Variants in ARHGAP27 observed in about 807,000 individuals in gnomAD.
The protein encoded by ARHGAP27 is Rho GTPase activating protein 27, also known as rho GTPase-activating protein 27.
Under a neutral mutation model 102.0 loss-of-function variants are expected in ARHGAP27, and 53 were observed. The observed-to-expected ratio is 0.52, with a 90% CI of 0.42 to 0.65. ARHGAP27 has a LOEUF of 0.65. ARHGAP27 is among the 30% of genes least tolerant of loss of function. ARHGAP27 has a pLI of 0.00. For missense variants in ARHGAP27, 1,117 were observed against 1,256.2 expected (o/e 0.89, Z 1.68); for synonymous variants, 525 against 542.8 (o/e 0.97, Z 0.46).
In ARHGAP27 at chr17:45,396,768, C is replaced by G. The variant is rs776537416; in HGVS notation, c.1974G>C (p.Val658=). ...PNAAAPALGP[V]GLESDLSKVR... ...CCTTGCTCAAGTCGCTCTCCAGGCC[C>G]ACGGGGCCCAGGGCGGGCGCGGCTG... Residue 658 remains valine, a synonymous_variant, in exon 15 of 20, where the codon GTG becomes GTC. Transcript: ENST00000685559. The G allele has an allele frequency of 1.4e-5, 22 of 1,612,990 alleles. No homozygotes were observed. The African/African-American group carries it at 1.6e-4, about 12-fold the overall frequency.
At chr17:45,417,947 G>C (rs1489260231) in intron 4 of ARHGAP27, among the ~76,000 whole-genome samples, 1 of 151,532 alleles carries the variant, frequency 6.6e-6, no homozygotes, top group Non-Finnish European at 1.5e-5. Context: ...CCAGCTACTT[G>C]GGAAGCTGAG....
At chr17:45,429,557 C>G in intron 4 of ARHGAP27, 66 bp downstream of exon 4, 1 of 1,563,540 alleles carries the variant, frequency 6.4e-7, no homozygotes, top group South Asian at 1.2e-5. Context: ...CCTTGCGCCC[C>G]GGCTCCGTGC....
chr17:45,405,154 C>G, intron 5 of ARHGAP27, 48 bp from the exon 6 acceptor site: 2 of 1,469,748 alleles, frequency 1.4e-6, no homozygotes, highest in Non-Finnish European at 1.8e-6. Flanking sequence ...GCCAGTACTG[C>G]CTGCTGGCCC....
At chr17:45,398,099 G>A (rs751357888) in intron 12 of ARHGAP27, 52 bp from the exon 13 acceptor site, 7 of 1,504,330 alleles carry the variant, frequency 4.7e-6, no homozygotes, top group Non-Finnish European at 5.5e-6. Flanking sequence ...GTCTGCCCTG[G>A]GGGTTGGCCC....
chr17:45,424,646 T>A (rs55914643), intron 4 of ARHGAP27, among the ~76,000 whole-genome samples: 6,532 of 151,332 alleles, frequency 0.043, 216 homozygotes, highest in Non-Finnish European at 0.071. Flanking sequence ...ATATAATGGA[T>A]TTTGGGGACT....
At position 45,398,086 on chromosome 17, in the gene ARHGAP27, TG is replaced by T. The variant is rs779166283; in HGVS notation, c.1744-40del. ...AGTCAGTGGGTCATCTCTGGTACCC[TG>T]GGTCTGCCCTGGGGGTTGGCCCTAG... is the stretch of plus-strand genomic sequence containing the variant. On this transcript the variant is annotated intron_variant, in intron 12 of 19. Transcript: ENST00000685559. 2.1e-5 allele frequency: 32 copies of T among 1,553,294 alleles called. No homozygotes were observed. In the East Asian group the frequency reaches 6.1e-4, roughly 30 times the overall value.
intron 4 of ARHGAP27, among the ~76,000 whole-genome samples, chr17:45,428,134 A>AG (rs1443442575): frequency 6.6e-6 from 1 of 152,226 alleles, no homozygotes; most frequent in Non-Finnish European, 1.5e-5. Flanking sequence ...CCCCACCTCC[A>AG]GGGGCTCTGC....
In ARHGAP27 at chr17:45,405,116, A is replaced by G. The variant is rs564822884; in HGVS notation, c.1066-10T>C. On this transcript the variant is annotated splice_polypyrimidine_tract_variant and intron_variant, in intron 5 of 19. Transcript: ENST00000685559. Reference sequence around the variant, plus strand: ...TCTCGGGAGTGGGGGGCTGCGGGGAACAGAAGGTGGAGTCAGAGGCTCTGA... The same window carrying G: ...TCTCGGGAGTGGGGGGCTGCGGGGAGCAGAAGGTGGAGTCAGAGGCTCTGA... 7.0e-6 allele frequency: 11 copies of G among 1,563,220 alleles called. No homozygotes were observed. Among genetic ancestry groups the G allele is most frequent in the Non-Finnish European group, 9.5e-6 (11 of 1,153,036 alleles).
At position 45,395,835 on chromosome 17, in the gene ARHGAP27, C is replaced by T. The variant is rs1597749532; in HGVS notation, c.2401G>A (p.Ala801Thr). The T allele has an allele frequency of 6.2e-7, 1 of 1,601,880 alleles. No individual in the cohort carries two copies. The highest frequency in any genetic ancestry group is 8.5e-7 in the Non-Finnish European group (1 of 1,174,832). Residue 801 changes from alanine to threonine, a missense_variant, in exon 19 of 20, where the codon GCC (alanine) becomes ACC (threonine). This residue lies in a region of ARHGAP27 where 493 missense variants were observed against 505.5 expected (regional missense o/e 0.98). Transcript: ENST00000685559. The part of the protein sequence containing the change: ...FIAAIKLQDQ[A>T]RRSRCVRDLV... The stretch of plus-strand genomic sequence containing the variant: ...TCACGCACACAGCGGCTGCGCCGGG[C>T]CTGGTCCTGCAACTCTGGGTGAGGG...
rs36233058 is a variant in ARHGAP27 at position 45,412,962 on chromosome 17, C to CTT, written c.658-6881_658-6880dup. 3.6e-3 allele frequency among the ~76,000 whole-genome samples: 149 copies of CTT among 41,142 alleles called. 44 individuals carry two copies. The highest frequency in any genetic ancestry group is 4.3e-3 in the East Asian group (3 of 700). The allele number at this position is 41,142 out of a possible 152,430, so 27.0% of individuals were successfully genotyped here. On this transcript the variant is annotated intron_variant, in intron 4 of 19. Transcript: ENST00000685559. ...GTGTGGCACCACGGCTCAGTATAAT[C>CTT]TTTTTTTTTTTTTTTTTTTTTTTTT...
rs1464865936 is a variant in ARHGAP27 at position 45,419,526 on chromosome 17, A to G, written c.657+10097T>C. ...TTATGCTGTATGTATATATATATAT[A>G]TATATATATATATATATATATATAT... On this transcript the variant is annotated intron_variant, in intron 4 of 19. Transcript: ENST00000685559. Among the ~76,000 whole-genome samples the G allele has an allele frequency of 3.1e-3, 67 of 21,566 alleles. 1 individual carries two copies. The highest frequency in any genetic ancestry group is 5.8e-3 in the Admixed American group (11 of 1,900). 14.1% of individuals were successfully genotyped at this position (21,566 alleles called of 152,430 possible). A position where few individuals can be genotyped will look rare whatever the true frequency, so the allele number is the denominator to read the frequency against.
chr17:45,419,912 C>T (rs2048870998), intron 4 of ARHGAP27, among the ~76,000 whole-genome samples: 1 of 151,980 alleles, frequency 6.6e-6, no homozygotes, highest in South Asian at 2.1e-4. Flanking sequence ...ATTTAAAGTA[C>T]CTTAAGATAA....
At chr17:45,408,741 C>G (rs1168675097) in intron 4 of ARHGAP27, 1 of 152,324 alleles carries the variant, frequency 6.6e-6, no homozygotes, top group Non-Finnish European at 1.5e-5. Flanking sequence ...CCTGCTCTCT[C>G]ACGGTGCTCA....
At position 45,420,168 on chromosome 17, in the gene ARHGAP27, A is replaced by G. The variant is rs8072711; in HGVS notation, c.657+9455T>C. 4.8e-3 allele frequency among the ~76,000 whole-genome samples: 733 copies of G among 152,352 alleles called. 5 individuals are homozygous for G. The highest frequency in any genetic ancestry group is 0.017 in the African/African-American group (697 of 41,582). ...ATTGTTGTAACAGCAAAAAATGGGA[A>G]ATATTCCAAATGCCTGTCAACAGGA... On this transcript the variant is annotated intron_variant, in intron 4 of 19. Coordinates refer to ENST00000685559, the MANE Select transcript of ARHGAP27 (RefSeq NM_001282290.2).
At position 45,427,092 on chromosome 17, in the gene ARHGAP27, C is replaced by A. The variant is rs1415216935; in HGVS notation, c.657+2531G>T. Reference sequence around the variant, plus strand: ...TGCCAGCTGGGAATCTAGAACTCAACCTGATTTCCCTCCCACCTCCCTCGG... The same window carrying A: ...TGCCAGCTGGGAATCTAGAACTCAAACTGATTTCCCTCCCACCTCCCTCGG... On this transcript the variant is annotated intron_variant, in intron 4 of 19. Coordinates refer to ENST00000685559, the MANE Select transcript of ARHGAP27 (RefSeq NM_001282290.2). This position sits in a 1 kb window ranked among gnomAD's most constrained non-coding sequence, Gnocchi z 4.5. Among the ~76,000 whole-genome samples, 1 of 152,140 alleles carries A rather than the reference C, an allele frequency of 6.6e-6. No homozygotes were observed. Among genetic ancestry groups the A allele is most frequent in the African/African-American group, 2.4e-5 (1 of 41,428 alleles).
intron 4 of ARHGAP27, among the ~76,000 whole-genome samples, chr17:45,423,917 T>C (rs1376777989): frequency 6.6e-6 from 1 of 152,210 alleles, no homozygotes; most frequent in Non-Finnish European, 1.5e-5. Context: ...TATTCAAATA[T>C]TTGTAATGGA....
rs760218340 is a variant in ARHGAP27, at chr17:45,396,008, G to C, written c.2361C>G (p.His787Gln). The C allele has an allele frequency of 6.2e-7, 1 of 1,613,236 alleles. No individual in the cohort carries two copies. The highest frequency in any genetic ancestry group is 8.5e-7 in the Non-Finnish European group (1 of 1,179,460). Residue 787 changes from histidine to glutamine, a missense_variant, in exon 18 of 20, where the codon CAC becomes CAG. Physicochemically the swap from His to Gln is conservative, Grantham distance 24. This residue lies in a region of ARHGAP27 where 493 missense variants were observed against 505.5 expected (regional missense o/e 0.98). Transcript: ENST00000685559. ...ELPEPLFPFS[H>Q]FRQFIAAIKL... is the part of the protein sequence containing the mutation. ...TGATGGCCGCAATGAACTGGCGGAAGTGCGAGAAGGGGAAGAGGGGCTCGG... is the reference window on the plus strand; with the variant it reads ...TGATGGCCGCAATGAACTGGCGGAACTGCGAGAAGGGGAAGAGGGGCTCGG...
chr17:45,417,897 T>TA (rs940445263), intron 4 of ARHGAP27, among the ~76,000 whole-genome samples: 6 of 151,650 alleles, frequency 4.0e-5, no homozygotes, highest in African/African-American at 1.2e-4. Context: ...ACTAAAAATA[T>TA]AAAAAAATTA....
At chr17:45,429,344 G>A (rs2049871688) in intron 4 of ARHGAP27, 1 of 1,105,566 alleles carries the variant, frequency 9.0e-7, no homozygotes, top group Non-Finnish European at 1.2e-6. Context: ...ACCATCAGCA[G>A]CCTCACATCA....
Sources: allele counts gnomAD v4.1 joint callset (sites outside exome capture counted in the v4.1 genomes callset), GRCh38; gene constraint gnomAD v4.1.1; regional missense constraint gnomAD v4.1.1; non-coding constraint Gnocchi (gnomAD v3.1); transcripts MANE v1.5; gene names NCBI Gene and HGNC (gene_info 2026-07-23, HGNC 2026-07-21).